The following SMARCD1 variants were observed in gnomAD, a reference collection of about 807,000 sequenced individuals.
SMARCD1 encodes SWI/SNF related BAF chromatin remodeling complex subunit D1.
Under a neutral mutation model 70.8 loss-of-function variants are expected in SMARCD1, and 16 were observed. The ratio of observed to expected loss-of-function variants is 0.23; its 90% CI spans 0.15 to 0.34. SMARCD1 has a LOEUF of 0.34. SMARCD1 is among the 10% of genes least tolerant of loss of function. SMARCD1 has a pLI of 1.00. For missense variants in SMARCD1, 409 were observed against 655.5 expected (o/e 0.62, Z 4.11); for synonymous variants, 249 against 246.0 (o/e 1.01, Z -0.11).
At chr12:50,088,288 T>C in intron 5 of SMARCD1, 1 of 702,990 alleles carries the variant, frequency 1.4e-6, no homozygotes. Flanking sequence ...GCAAATGAGA[T>C]GGGTAAAACA....
intron 6 of SMARCD1, 58 bp from the exon 7 acceptor site, chr12:50,089,826 C>G (rs1187342696): frequency 2.2e-6 from 2 of 915,590 alleles, no homozygotes; most frequent in Non-Finnish European, 1.7e-6. Flanking sequence ...AGAAGCTCTT[C>G]CCTCCCACCC....
At chr12:50,096,571 G>A in intron 10 of SMARCD1, 1 of 320,724 alleles carries the variant, frequency 3.1e-6, no homozygotes, top group Non-Finnish European at 5.9e-6. Flanking sequence ...GTGCTGTGGA[G>A]TAAGTATTCA....
chr12:50,086,581 A>G, intron 2 of SMARCD1, 40 bp from the exon 3 acceptor site: 3 of 1,594,790 alleles, frequency 1.9e-6, no homozygotes, highest in Non-Finnish European at 2.6e-6. Flanking sequence ...CGTTCTGACT[A>G]GTTCTGTCCC....
At chr12:50,095,372 G>A (rs1464476031) in intron 10 of SMARCD1, among the ~76,000 whole-genome samples, 1 of 151,928 alleles carries the variant, frequency 6.6e-6, no homozygotes, top group Non-Finnish European at 1.5e-5. Flanking sequence ...TGCCGCTCAG[G>A]CTGGAGTGCA....
intron 6 of SMARCD1, among the ~76,000 whole-genome samples, 169 bp from the exon 7 acceptor site, chr12:50,089,715 C>G (rs954063359): frequency 1.3e-5 from 2 of 152,238 alleles, no homozygotes; most frequent in Non-Finnish European, 2.9e-5. Flanking sequence ...TACTTATACA[C>G]AGACAGTAAT....
rs1950811278 is a variant in SMARCD1 at position 50,088,387 on chromosome 12, C to T, written c.655-134C>T. ...ACCTGCAGATGCCTACTTTGCCTAT[C>T]TCTCTTAAGAGATATTCAGAAGATA... On this transcript the variant is annotated intron_variant, in intron 5 of 12. Transcript: ENST00000394963. 6 of 709,326 alleles carry T rather than the reference C, an allele frequency of 8.5e-6. No individual in the cohort carries two copies. In the East Asian group the frequency reaches 1.0e-4, roughly 12 times the overall value. The allele number at this position is 709,326 out of a possible 1,614,324, so 43.9% of individuals were successfully genotyped here.
At chr12:50,091,375 A>G (rs1950842121) in intron 9 of SMARCD1, among the ~76,000 whole-genome samples, 1 of 151,790 alleles carries the variant, frequency 6.6e-6, no homozygotes, top group Non-Finnish European at 1.5e-5. Flanking sequence ...TACTGGGTTC[A>G]AGTGATTCTC....
chr12:50,090,471 G>T (rs752794768), intron 8 of SMARCD1, 22 bp from the exon 9 acceptor site: 2 of 1,613,354 alleles, frequency 1.2e-6, no homozygotes, highest in Non-Finnish European at 8.5e-7. Context: ...TGCTAACCTC[G>T]TGCTTCTCCC....
rs761191907 is a variant in SMARCD1, at chr12:50,089,993, G to C, written c.873+8G>C. 4 of 1,607,672 alleles carry C rather than the reference G, an allele frequency of 2.5e-6. No homozygotes were observed. Among genetic ancestry groups the C allele is most frequent in the South Asian group, 1.1e-5 (1 of 90,954 alleles). ...CTGATGCTGGATTACCAGGTATTCTGTGGTGGTGTGAGGGGGTCCAGCTTT... is the reference window on the plus strand; with the variant it reads ...CTGATGCTGGATTACCAGGTATTCTCTGGTGGTGTGAGGGGGTCCAGCTTT... On this transcript the variant is annotated splice_region_variant and intron_variant, in intron 7 of 12. Coordinates refer to ENST00000394963, the MANE Select transcript of SMARCD1 (RefSeq NM_003076.5).
intron 7 of SMARCD1, 68 bp downstream of exon 7, chr12:50,090,053 G>C: frequency 7.0e-7 from 1 of 1,423,828 alleles, no homozygotes; most frequent in East Asian, 2.3e-5. Flanking sequence ...TCACTTTAAA[G>C]AGTTTATGTC....
chr12:50,086,683 C>T lies in SMARCD1; in HGVS notation c.408+20C>T, dbSNP rs764109746. 2.5e-6 allele frequency: 4 copies of T among 1,613,760 alleles called. No individual in the cohort carries two copies. The highest frequency in any genetic ancestry group is 1.7e-4 in the Middle Eastern group (1 of 6,060). ...CAAAGGGTGAGTCCAGGCTATATGT[C>T]TTCTGGAAAGTGTGGTGAGTTTGAG... On this transcript the variant is annotated intron_variant, in intron 3 of 12. Coordinates refer to ENST00000394963, the MANE Select transcript of SMARCD1 (RefSeq NM_003076.5).
chr12:50,092,582 A>T (rs910607049), intron 9 of SMARCD1, among the ~76,000 whole-genome samples: 3 of 151,806 alleles, frequency 2.0e-5, no homozygotes, highest in African/African-American at 7.3e-5. Flanking sequence ...GGGAGGGGAA[A>T]AAAAGAAAAA....
chr12:50,087,508 T>C (rs749256647), intron 5 of SMARCD1, 23 bp downstream of exon 5: 3 of 1,611,956 alleles, frequency 1.9e-6, no homozygotes, highest in Non-Finnish European at 2.5e-6. Flanking sequence ...TCCACAATGG[T>C]TGGCATCTAG....
At chr12:50,095,736 T>C (rs566084308) in intron 10 of SMARCD1, among the ~76,000 whole-genome samples, 3 of 152,200 alleles carry the variant, frequency 2.0e-5, no homozygotes, top group South Asian at 4.1e-4. Context: ...ATAGGGCATG[T>C]AAAGGTCCAG....
rs1318804285 is a variant in SMARCD1, at chr12:50,088,525, C to T, written c.659C>T (p.Ala220Val). The change falls in exon 6 of 13, where the codon GCC becomes GTC. Residue 220 changes from alanine to valine, a missense_variant. Ala to Val is a moderately conservative substitution (Grantham distance 64). Around this residue, in one of 2 missense-constraint regions of SMARCD1, gnomAD observed 269 missense variants for 498.6 expected, o/e 0.54. Transcript: ENST00000394963. ...RVEGRLLEDS[A>V]LSKYDATKQK... ...TTTTTATTTTCTCTCCTCTAGTCAG[C>T]CTTGTCCAAATATGATGCCACTAAA... 1.3e-6 allele frequency: 2 copies of T among 1,572,060 alleles called. No homozygotes were observed. Among genetic ancestry groups the T allele is most frequent in the Admixed American group, 1.8e-5 (1 of 56,942 alleles).
At chr12:50,092,347 C>A (rs1181200047) in intron 9 of SMARCD1, among the ~76,000 whole-genome samples, 2 of 149,220 alleles carry the variant, frequency 1.3e-5, no homozygotes, top group Non-Finnish European at 3.0e-5. Context: ...CCTCAGCCTC[C>A]CAAGTAGTTG....
intron 2 of SMARCD1, 128 bp from the exon 3 acceptor site, chr12:50,086,493 G>GGTGGTGGTGGTGGTGGTA: frequency 9.0e-7 from 1 of 1,109,368 alleles, no homozygotes; most frequent in Non-Finnish European, 1.3e-6. Flanking sequence ...TGGTGGTGGT[G>GGTGGTGGTGGTGGTGGTA]GTGGTGGTAG....
intron 10 of SMARCD1, 84 bp downstream of exon 10, chr12:50,094,656 C>T: frequency 7.4e-7 from 1 of 1,344,100 alleles, no homozygotes; most frequent in Non-Finnish European, 1.0e-6. Context: ...AGTGTTCATT[C>T]AAAATACGGT....
chr12:50,090,448 G>GT (rs1217869018), intron 8 of SMARCD1, 45 bp from the exon 9 acceptor site: 1 of 1,613,458 alleles, frequency 6.2e-7, no homozygotes, highest in Non-Finnish European at 8.5e-7. Flanking sequence ...TAGAACACTA[G>GT]TTATGCTCAA....
Sources: gnomAD v4.1 joint callset for allele counts (sites outside exome capture counted in the v4.1 genomes callset) on GRCh38, gnomAD v4.1.1 for gene constraint, gnomAD v4.1.1 regional missense constraint, MANE v1.5 for transcripts, NCBI Gene and HGNC (gene_info 2026-07-23, HGNC 2026-07-21) for gene names.